The following AGO3 variants were observed in gnomAD, a reference collection of about 807,000 sequenced individuals.
The protein encoded by AGO3 is argonaute RISC catalytic component 3, also known as protein argonaute-3.
In AGO3, 16 loss-of-function variants were observed where a neutral mutation model predicts 105.5. The ratio of observed to expected loss-of-function variants is 0.15; its 90% CI spans 0.10 to 0.23. The LOEUF is 0.23. Among genes scored for constraint, AGO3 ranks in the 10% least tolerant of loss-of-function variants. The probability of loss-of-function intolerance (pLI) is 1.00; values close to 1 mark genes in which losing one functional copy is unlikely to be tolerated. For synonymous variants in AGO3, 340 were observed against 367.3 expected, an observed-to-expected ratio of 0.93 and a Z score of 0.85; for missense variants, 534 against 1,088.0, an observed-to-expected ratio of 0.49 and a Z score of 7.16.
At chr1:35,976,519 G>T (rs976781239) in intron 5 of AGO3, among the ~76,000 whole-genome samples, 1 of 152,036 alleles carries the variant, frequency 6.6e-6, no homozygotes, top group Non-Finnish European at 1.5e-5. Flanking sequence ...ATTAGACAGG[G>T]TAGGATTAAA....
chr1:35,932,556 A>ATTT (rs201169266), intron 1 of AGO3, among the ~76,000 whole-genome samples: 2 of 143,110 alleles, frequency 1.4e-5, no homozygotes, highest in Non-Finnish European at 3.1e-5. Flanking sequence ...AGAGTTACAA[A>ATTT]TTTTTTTTTT....
intron 2 of AGO3, among the ~76,000 whole-genome samples, chr1:35,959,762 A>G (rs960948197): frequency 2.0e-5 from 3 of 152,110 alleles, no homozygotes; most frequent in African/African-American, 4.8e-5. Flanking sequence ...AGAATTATTC[A>G]TTATTTGTGT....
intron 2 of AGO3, among the ~76,000 whole-genome samples, chr1:35,952,245 C>G (rs967891531): frequency 9.4e-5 from 14 of 148,960 alleles, no homozygotes; most frequent in African/African-American, 3.5e-4. Flanking sequence ...CTCCTGAGTT[C>G]AAGCAGTTCT....
chr1:35,949,318 A>G (rs1646427238), intron 2 of AGO3, among the ~76,000 whole-genome samples: 2 of 152,220 alleles, frequency 1.3e-5, no homozygotes, highest in Non-Finnish European at 2.9e-5. Context: ...TTTGTTAATA[A>G]TATTGCTTTG....
intron 3 of AGO3, among the ~76,000 whole-genome samples, chr1:35,968,320 A>G (rs78444570): frequency 0.048 from 7,317 of 152,270 alleles, 575 homozygotes; most frequent in African/African-American, 0.17. Flanking sequence ...TTTTTAAGGT[A>G]TATTTCAGTG....
At position 36,066,183 on chromosome 1, in the gene AGO3, A is replaced by G. The variant is rs1365356487; in HGVS notation, c.*10438A>G. The G allele has an allele frequency of 3.3e-5, 5 of 152,230 alleles. No individual in the cohort carries two copies. Among genetic ancestry groups the G allele is most frequent in the Non-Finnish European group, 7.3e-5 (5 of 68,046 alleles). The allele number at this position is 152,230 out of a possible 1,614,324, so 9.4% of individuals were successfully genotyped here. A position where few individuals can be genotyped will look rare whatever the true frequency, so the allele number is the denominator to read the frequency against. On this transcript the variant is annotated 3_prime_UTR_variant, in exon 19 of 19. Coordinates refer to ENST00000373191, the MANE Select transcript of AGO3 (RefSeq NM_024852.4). ...TTTATTCTTTCCAAAAATTGGCGGT[A>G]TGCTATCTATAATTTTATGTTTGAT...
At chr1:36,004,599 TATAAA>T (rs1640255210) in intron 6 of AGO3, 124 bp downstream of exon 6, 2 of 861,012 alleles carry the variant, frequency 2.3e-6, no homozygotes, top group Non-Finnish European at 3.2e-6. Context: ...ATACATCAAT[TATAAA>T]ATAAAATATT....
At chr1:35,976,806 C>G (rs1646963735) in intron 5 of AGO3, among the ~76,000 whole-genome samples, 1 of 152,140 alleles carries the variant, frequency 6.6e-6, no homozygotes, top group Non-Finnish European at 1.5e-5. Flanking sequence ...AATTAACATG[C>G]AGAAGTCATA....
intron 2 of AGO3, among the ~76,000 whole-genome samples, chr1:35,963,148 G>A (rs555368308): frequency 1.1e-4 from 17 of 152,298 alleles, no homozygotes; most frequent in African/African-American, 3.1e-4. Flanking sequence ...TGTAAGCAGA[G>A]ATTAATTCTC....
At chr1:36,011,402 T>C (rs901030378) in intron 9 of AGO3, among the ~76,000 whole-genome samples, 2 of 152,168 alleles carry the variant, frequency 1.3e-5, no homozygotes, top group African/African-American at 4.8e-5. Context: ...AAGAAAGTTA[T>C]TACATGATAT....
chr1:35,985,445 C>T (rs1453967028), intron 5 of AGO3, among the ~76,000 whole-genome samples: 1 of 152,022 alleles, frequency 6.6e-6, no homozygotes, highest in African/African-American at 2.4e-5. Flanking sequence ...ACAGTTATAC[C>T]ACATGGCTTC....
intron 3 of AGO3, among the ~76,000 whole-genome samples, chr1:35,970,316 C>T (rs1313224350): frequency 2.0e-5 from 3 of 152,220 alleles, no homozygotes; most frequent in East Asian, 1.9e-4. Flanking sequence ...TATAGGAAAT[C>T]GTGAGTTCAC....
chr1:35,991,707 C>A (rs999678981), intron 5 of AGO3, among the ~76,000 whole-genome samples: 5 of 151,988 alleles, frequency 3.3e-5, no homozygotes, highest in Admixed American at 3.3e-4. Flanking sequence ...AATTTACATA[C>A]CATAAAATTC....
intron 11 of AGO3, among the ~76,000 whole-genome samples, chr1:36,017,352 C>G (rs573740183): frequency 1.3e-5 from 2 of 152,288 alleles, no homozygotes; most frequent in South Asian, 4.1e-4. Context: ...TGTTAATCCC[C>G]TACGACTGAA....
chr1:35,942,270 A>G (rs1457811065), intron 1 of AGO3, among the ~76,000 whole-genome samples: 1 of 152,168 alleles, frequency 6.6e-6, no homozygotes, highest in African/African-American at 2.4e-5. Context: ...CATTCTTTTG[A>G]TATATTGTTG....
intron 1 of AGO3, among the ~76,000 whole-genome samples, chr1:35,941,540 GGAACA>G (rs1193992366): frequency 6.6e-6 from 1 of 152,082 alleles, no homozygotes; most frequent in African/African-American, 2.4e-5. Flanking sequence ...AACAACTAAT[GGAACA>G]GAACAGAGAG....
At chr1:35,962,144 A>T (rs917933251) in intron 2 of AGO3, among the ~76,000 whole-genome samples, 1 of 152,124 alleles carries the variant, frequency 6.6e-6, no homozygotes, top group Non-Finnish European at 1.5e-5. Flanking sequence ...TTTCCTTTCC[A>T]TATGGTATTG....
At chr1:36,019,780 T>C (rs1641118734) in intron 11 of AGO3, among the ~76,000 whole-genome samples, 1 of 152,170 alleles carries the variant, frequency 6.6e-6, no homozygotes, top group Admixed American at 6.5e-5. Context: ...GTTTGTTTGT[T>C]TGTTTTGAGA....
chr1:35,933,930 A>C (rs916713063), intron 1 of AGO3, among the ~76,000 whole-genome samples: 1 of 152,142 alleles, frequency 6.6e-6, no homozygotes. Flanking sequence ...CTTTCATATG[A>C]AATATTTTAA....
Sources: allele counts gnomAD v4.1 joint callset (sites outside exome capture counted in the v4.1 genomes callset), GRCh38; gene constraint gnomAD v4.1.1; transcripts MANE v1.5; gene names NCBI Gene and HGNC (gene_info 2026-07-23, HGNC 2026-07-21).